Variants in FAR2 observed in about 807,000 individuals in gnomAD.
FAR2 encodes fatty acyl-CoA reductase 2.
Under a neutral mutation model 56.0 loss-of-function variants are expected in FAR2, and 19 were observed. The observed-to-expected ratio is 0.34, with a 90% CI of 0.24 to 0.50. The LOEUF (loss-of-function observed/expected upper bound fraction) is 0.50. Among genes scored for constraint, FAR2 ranks in the 20% least tolerant of loss-of-function variants. The pLI, the probability that FAR2 is intolerant of heterozygous loss-of-function variation, is 0.98. For synonymous variants in FAR2, 219 were observed against 218.8 expected (o/e 1.00, Z -0.01); for missense variants, 508 against 642.2 (o/e 0.79, Z 2.26).
At chr12:29,218,274 G>C (rs1947646516) in intron 1 of FAR2, among the ~76,000 whole-genome samples, 1 of 151,950 alleles carries the variant, frequency 6.6e-6, no homozygotes, top group East Asian at 1.9e-4. Context: ...CAGAAGAATG[G>C]CGTGAACCTG....
chr12:29,256,179 A>G (rs1948313607), intron 1 of FAR2, among the ~76,000 whole-genome samples: 1 of 151,532 alleles, frequency 6.6e-6, no homozygotes, highest in African/African-American at 2.4e-5. Flanking sequence ...GCCTTATTAT[A>G]TCTAAAATTA....
chr12:29,318,029 C>T (rs1159928184), intron 9 of FAR2, among the ~76,000 whole-genome samples: 8 of 152,160 alleles, frequency 5.3e-5, no homozygotes, highest in African/African-American at 1.7e-4. Flanking sequence ...TTATCTGTCT[C>T]GCTTGAATAA....
chr12:29,167,230 T>A (rs1032382967), intron 1 of FAR2, among the ~76,000 whole-genome samples: 2 of 152,148 alleles, frequency 1.3e-5, no homozygotes, highest in Non-Finnish European at 2.9e-5. Flanking sequence ...TCTGAAGGAG[T>A]TGTTATAAAT....
intron 1 of FAR2, among the ~76,000 whole-genome samples, chr12:29,259,184 AG>A (rs1406758761): frequency 1.3e-5 from 2 of 152,346 alleles, no homozygotes; most frequent in East Asian, 3.9e-4. Flanking sequence ...GATCACCTTT[AG>A]CAAAGCCTGG....
intron 1 of FAR2, among the ~76,000 whole-genome samples, chr12:29,169,172 C>T (rs1591827737): frequency 6.6e-6 from 1 of 152,172 alleles, no homozygotes; most frequent in Non-Finnish European, 1.5e-5. Flanking sequence ...CTCAATCCCC[C>T]CTCTAAACAG....
At chr12:29,260,462 TCA>T (rs1206107280) in intron 1 of FAR2, among the ~76,000 whole-genome samples, 1 of 152,208 alleles carries the variant, frequency 6.6e-6, no homozygotes, top group Non-Finnish European at 1.5e-5. Context: ...GTCAAAGCAC[TCA>T]GTGTACTCTG....
At chr12:29,331,526 C>CA (rs1265560498) in intron 10 of FAR2, 1 of 151,910 alleles carries the variant, frequency 6.6e-6, no homozygotes, top group African/African-American at 2.4e-5. Context: ...GAGATGATAC[C>CA]AGAATCTTCT....
At chr12:29,257,290 C>T (rs531190850) in intron 1 of FAR2, among the ~76,000 whole-genome samples, 1 of 152,088 alleles carries the variant, frequency 6.6e-6, no homozygotes, top group Non-Finnish European at 1.5e-5. Flanking sequence ...CCTTGGAGAA[C>T]CTTTGTGTGG....
At chr12:29,306,776 A>T (rs1334409197) in intron 4 of FAR2, among the ~76,000 whole-genome samples, 1 of 152,212 alleles carries the variant, frequency 6.6e-6, no homozygotes, top group African/African-American at 2.4e-5. Flanking sequence ...TAACTTGGTT[A>T]TTCATGATAC....
chr12:29,217,984 A>AAAG lies in FAR2; in HGVS notation c.-38-52428_-38-52427insAAG, dbSNP rs1947642185. Among the ~76,000 whole-genome samples the AAAG allele has an allele frequency of 4.0e-5, 6 of 151,408 alleles. No homozygotes were observed. In the South Asian group the frequency reaches 1.0e-3, roughly 26 times the overall value. ...AATGGAATTCTGAAGAAGAAGACAA[A>AAAG]GAGGAGGAGGAGGAGGAGGAGGAAG... On this transcript the variant is annotated intron_variant, in intron 1 of 11. Transcript: ENST00000536681.
chr12:29,176,928 G>T (rs1949944756), intron 1 of FAR2, among the ~76,000 whole-genome samples: 1 of 152,208 alleles, frequency 6.6e-6, no homozygotes, highest in Non-Finnish European at 1.5e-5. Flanking sequence ...GAAATTATAG[G>T]TTAAATTAGT....
intron 1 of FAR2, among the ~76,000 whole-genome samples, chr12:29,192,652 T>C (rs1950112202): frequency 6.6e-6 from 1 of 152,218 alleles, no homozygotes; most frequent in South Asian, 2.1e-4. Flanking sequence ...ATATTTGTTA[T>C]ATTATATATA....
intron 1 of FAR2, among the ~76,000 whole-genome samples, chr12:29,165,345 T>C (rs1248423804): frequency 6.6e-6 from 1 of 152,224 alleles, no homozygotes; most frequent in Non-Finnish European, 1.5e-5. Context: ...TCACCCTTAC[T>C]AATTACTGAA....
chr12:29,296,968 A>AG (rs1434534169), intron 3 of FAR2, 53 bp from the exon 4 acceptor site: 3 of 1,486,878 alleles, frequency 2.0e-6, no homozygotes, highest in Non-Finnish European at 2.7e-6. Context: ...AGTTATAGCA[A>AG]GGCATGATAC....
chr12:29,300,728 TTA>T (rs760971428), intron 4 of FAR2, among the ~76,000 whole-genome samples: 18 of 152,270 alleles, frequency 1.2e-4, no homozygotes, highest in Non-Finnish European at 2.2e-4. Context: ...ATTTATTTAT[TTA>T]TAAGGAACCA....
chr12:29,272,913 C>T (rs1215897321), intron 2 of FAR2, among the ~76,000 whole-genome samples: 1 of 152,042 alleles, frequency 6.6e-6, no homozygotes, highest in Non-Finnish European at 1.5e-5. Context: ...AGGGCTGCTG[C>T]AGTTTGCTGG....
chr12:29,295,873 A>C, intron 3 of FAR2, among the ~76,000 whole-genome samples: 1 of 142,964 alleles, frequency 7.0e-6, no homozygotes, highest in Non-Finnish European at 1.5e-5. Flanking sequence ...GGTTCACGCC[A>C]TTCTCCTGCC....
intron 1 of FAR2, among the ~76,000 whole-genome samples, chr12:29,216,117 G>A (rs984110325): frequency 6.6e-6 from 1 of 152,162 alleles, no homozygotes; most frequent in African/African-American, 2.4e-5. Context: ...GAAACCTCAT[G>A]GGACTGTGAC....
chr12:29,267,801 T>C (rs1591910741), intron 1 of FAR2, among the ~76,000 whole-genome samples: 1 of 152,216 alleles, frequency 6.6e-6, no homozygotes, highest in African/African-American at 2.4e-5. Context: ...CCAGATTTCC[T>C]AAAATGAATA....
Sources: gnomAD v4.1 joint callset for allele counts (sites outside exome capture counted in the v4.1 genomes callset) on GRCh38, gnomAD v4.1.1 for gene constraint, MANE v1.5 for transcripts, NCBI Gene and HGNC (gene_info 2026-07-23, HGNC 2026-07-21) for gene names.